The following IKBKB variants were observed in gnomAD, a reference collection of about 807,000 sequenced individuals.
IKBKB encodes the protein inhibitor of nuclear factor kappa B kinase subunit beta, also known as inhibitor of nuclear factor kappa-B kinase subunit beta.
IKBKB carries 42 observed loss-of-function variants against 113.6 expected under a neutral mutation model. The ratio of observed to expected loss-of-function variants is 0.37; its 90% CI spans 0.29 to 0.48. The LOEUF is 0.48. Ranked by LOEUF, IKBKB falls within the 20% of genes least tolerant of loss-of-function variation. IKBKB has a pLI of 0.99. For synonymous variants in IKBKB, 296 were observed against 361.3 expected, an observed-to-expected ratio of 0.82 and a Z score of 2.05; for missense variants, 673 against 939.7, an observed-to-expected ratio of 0.72 and a Z score of 3.71.
At chr8:42,286,484 T>C (rs1811447119) in intron 2 of IKBKB, among the ~76,000 whole-genome samples, 1 of 152,112 alleles carries the variant, frequency 6.6e-6, no homozygotes, top group African/African-American at 2.4e-5. Context: ...GTGTCTTTTT[T>C]TGTTTTTGTT....
intron 7 of IKBKB, among the ~76,000 whole-genome samples, chr8:42,308,283 C>CTT (rs33936743): frequency 2.1e-5 from 3 of 140,470 alleles, no homozygotes; most frequent in Non-Finnish European, 3.1e-5. Context: ...TTTTTTTTTC[C>CTT]TTTTTTTTCT....
chr8:42,311,127 A>C lies in IKBKB; in HGVS notation c.692+2102A>C, dbSNP rs537368577. 1.7e-3 allele frequency among the ~76,000 whole-genome samples: 266 copies of C among 152,344 alleles called. 1 individual carries two copies. Among genetic ancestry groups the C allele is most frequent in the Non-Finnish European group, 2.5e-3 (169 of 68,036 alleles). On this transcript the variant is annotated intron_variant, in intron 8 of 21. Coordinates refer to ENST00000520810, the MANE Select transcript of IKBKB (RefSeq NM_001556.3). ...CTCACCAGGAAGGTCATATAAATAC[A>C]CGTCTCCACCTGGAGTGTGGACACT...
At chr8:42,314,181 A>C (rs1818238557) in intron 8 of IKBKB, 141 bp from the exon 9 acceptor site, 3 of 695,634 alleles carry the variant, frequency 4.3e-6, no homozygotes, top group Non-Finnish European at 7.9e-6. Context: ...TGTACGATAC[A>C]GCCTAGGTCT....
chr8:42,280,189 C>A (rs1354218077), intron 2 of IKBKB, among the ~76,000 whole-genome samples: 1 of 152,110 alleles, frequency 6.6e-6, no homozygotes, highest in Non-Finnish European at 1.5e-5. Context: ...ATAAGTCTTC[C>A]TTGTTAGACA....
Position 42,319,420 on chromosome 8 carries a change from C to A in IKBKB, c.1515C>A (p.Ile505=). The A allele has an allele frequency of 6.2e-7, 1 of 1,614,202 alleles. No homozygotes were observed. Among genetic ancestry groups the A allele is most frequent in the Non-Finnish European group, 8.5e-7 (1 of 1,180,022 alleles). Residue 505 remains isoleucine, a splice_region_variant and synonymous_variant, in exon 14 of 22, where the codon ATC becomes ATA. Transcript: ENST00000520810. ...ACAGCGAGCAAACCGAGTTTGGGAT[C>A]AGTGAGTGTGCACTTTGCAATGAGT... The part of the protein sequence containing the change: ...EKYSEQTEFG[I]TSDKLLLAWR...
At chr8:42,274,524 TTTGTTG>T (rs151240252) in intron 2 of IKBKB, among the ~76,000 whole-genome samples, 2 of 143,054 alleles carry the variant, frequency 1.4e-5, no homozygotes, top group African/African-American at 5.2e-5. Context: ...GCGAGATTAG[TTTGTTG>T]TTGTTGTTGT....
chr8:42,299,995 A>G (rs1291470162), intron 5 of IKBKB, among the ~76,000 whole-genome samples: 1 of 152,208 alleles, frequency 6.6e-6, no homozygotes, highest in African/African-American at 2.4e-5. Context: ...GGAAGTTAGG[A>G]AAAGGCTTTG....
At chr8:42,289,994 C>T (rs1307148033) in intron 3 of IKBKB, among the ~76,000 whole-genome samples, 162 bp from the exon 4 acceptor site, 1 of 152,188 alleles carries the variant, frequency 6.6e-6, no homozygotes, top group Middle Eastern at 3.2e-3. Context: ...GTGAGCGCCA[C>T]TGACCCAGGC....
rs1231379660 is a variant in IKBKB, at chr8:42,288,675, G to A, written c.147G>A (p.Glu49=). 1.9e-6 allele frequency: 3 copies of A among 1,612,042 alleles called. No individual in the cohort carries two copies. Among genetic ancestry groups the A allele is most frequent in the African/African-American group, 2.7e-5 (2 of 74,930 alleles). ...TTGCCATCAAGCAGTGCCGGCAGGA[G>A]CTCAGCCCCCGGAACCGAGAGCGGT... ...EQIAIKQCRQ[E]LSPRNRERWC... The change falls in exon 3 of 22, where the codon GAG becomes GAA. Residue 49 remains glutamate (E), a synonymous_variant. Transcript: ENST00000520810.
chr8:42,279,207 A>C (rs994971582), intron 2 of IKBKB, among the ~76,000 whole-genome samples: 2 of 152,184 alleles, frequency 1.3e-5, no homozygotes, highest in African/African-American at 4.8e-5. Flanking sequence ...TTGGGTGCTG[A>C]GGAGAAGTCT....
At chr8:42,294,132 G>T (rs1313849850) in intron 5 of IKBKB, among the ~76,000 whole-genome samples, 1 of 152,248 alleles carries the variant, frequency 6.6e-6, no homozygotes, top group Non-Finnish European at 1.5e-5. Context: ...GAGACAGGGA[G>T]AGGGACTTGC....
intron 5 of IKBKB, among the ~76,000 whole-genome samples, chr8:42,295,394 C>T (rs560937582): frequency 2.6e-5 from 4 of 150,994 alleles, no homozygotes; most frequent in African/African-American, 7.2e-5. Context: ...GCCGAGATTA[C>T]AGGCATGAGC....
rs747780454 is a variant in IKBKB at position 42,293,527 on chromosome 8, C to T, written c.388+15C>T. On this transcript the variant is annotated intron_variant, in intron 5 of 21. Transcript: ENST00000520810. ...GAGTGACATTGGTAAATCCCAGTCCCGGAATTCAGGCCGTGTCCTTCAGGG... is the reference window on the plus strand; with the variant it reads ...GAGTGACATTGGTAAATCCCAGTCCTGGAATTCAGGCCGTGTCCTTCAGGG... 16 of 1,614,116 alleles carry T rather than the reference C, an allele frequency of 9.9e-6. No individual in the cohort carries two copies. In the South Asian group the frequency reaches 1.2e-4, roughly 12 times the overall value.
intron 5 of IKBKB, chr8:42,297,990 A>G (rs1246423975): frequency 6.8e-6 from 4 of 592,444 alleles, no homozygotes; most frequent in African/African-American, 2.0e-5. Context: ...CCATCACTCC[A>G]TGCTGATAGG....
chr8:42,277,312 A>C (rs1363368930), intron 2 of IKBKB, among the ~76,000 whole-genome samples: 1 of 150,398 alleles, frequency 6.6e-6, no homozygotes, highest in Non-Finnish European at 1.5e-5. Context: ...CTTCCCAAGT[A>C]GCTGGGATTA....
chr8:42,309,176 T>C (rs1186574799), intron 8 of IKBKB, 151 bp downstream of exon 8: 21 of 823,996 alleles, frequency 2.5e-5, no homozygotes, highest in Non-Finnish European at 4.0e-5. Context: ...CTAGCACGAG[T>C]AGGGGAGTGG....
At chr8:42,322,595 C>T in intron 19 of IKBKB, 101 bp downstream of exon 19, 3 of 1,230,764 alleles carry the variant, frequency 2.4e-6, no homozygotes, top group Non-Finnish European at 3.4e-6. Flanking sequence ...CACAGAGCCA[C>T]CAGCAGCCCA....
Position 42,316,474 on chromosome 8 carries a change from A to G in IKBKB, c.930+135A>G, listed in dbSNP as rs1818700290. Reference sequence around the variant, plus strand: ...TAGGCTCCTGCATCAGTCTTTCTGCATAAGTAAAGAAAGGACAGTTGTGCT... The same window carrying G: ...TAGGCTCCTGCATCAGTCTTTCTGCGTAAGTAAAGAAAGGACAGTTGTGCT... On this transcript the variant is annotated intron_variant, in intron 10 of 21. Transcript: ENST00000520810. This position sits in a 1 kb window ranked among gnomAD's most constrained non-coding sequence, Gnocchi z 4.5. 4 of 1,097,108 alleles carry G rather than the reference A, an allele frequency of 3.6e-6. No individual in the cohort carries two copies. The highest frequency in any genetic ancestry group is 3.9e-6 in the Non-Finnish European group (3 of 769,380). 68.0% of individuals were successfully genotyped at this position (1,097,108 alleles called of 1,614,324 possible).
chr8:42,314,048 T>C, intron 8 of IKBKB: 1 of 388,294 alleles, frequency 2.6e-6, no homozygotes, highest in Non-Finnish European at 4.8e-6. Context: ...ACTGTATTTT[T>C]ACTGTACCTT....
Sources: allele counts gnomAD v4.1 joint callset (sites outside exome capture counted in the v4.1 genomes callset), GRCh38; gene constraint gnomAD v4.1.1; non-coding constraint Gnocchi (gnomAD v3.1); transcripts MANE v1.5; gene names NCBI Gene and HGNC (gene_info 2026-07-23, HGNC 2026-07-21).